Variants in LARGE1 observed in about 807,000 individuals in gnomAD.
The protein encoded by LARGE1 is LARGE xylosyl- and glucuronyltransferase 1.
LARGE1 carries 43 observed loss-of-function variants against 87.6 expected under a neutral mutation model. The observed-to-expected ratio is 0.49, with a 90% CI of 0.38 to 0.63. The LOEUF (loss-of-function observed/expected upper bound fraction) is 0.63. Among genes scored for constraint, LARGE1 ranks in the 30% least tolerant of loss-of-function variants. LARGE1 has a pLI of 0.00. For synonymous variants in LARGE1, 434 were observed against 394.6 expected (o/e 1.10, Z -1.18); for missense variants, 802 against 1,000.2 (o/e 0.80, Z 2.67).
intron 12 of LARGE1, among the ~76,000 whole-genome samples, chr22:33,303,808 A>AGG (rs35955838): frequency 0.15 from 21,340 of 145,704 alleles, 2,604 homozygotes; most frequent in African/African-American, 0.34. Flanking sequence ...TATTTTTAGT[A>AGG]GGGGGGGGGT....
intron 1 of LARGE1, among the ~76,000 whole-genome samples, chr22:33,827,664 G>A (rs1291077374): frequency 6.6e-6 from 1 of 152,154 alleles, no homozygotes; most frequent in Non-Finnish European, 1.5e-5. Context: ...TCACATCAGG[G>A]CTGTTCTTTT....
rs189569586 is a variant in LARGE1, at chr22:33,786,760, G to A, written c.-82-25202C>T. Among the ~76,000 whole-genome samples, 398 of 152,274 alleles carry A rather than the reference G, an allele frequency of 2.6e-3. 4 individuals carry two copies. Among genetic ancestry groups the A allele is most frequent in the African/African-American group, 9.0e-3 (373 of 41,582 alleles). ...AGATAGGCTGGGCGCAGTGGCTCAC[G>A]CCTGTAATCCCAGCACTTTGGGAGG... On this transcript the variant is annotated intron_variant, in intron 1 of 14. Transcript: ENST00000397394.
chr22:33,728,804 C>T (rs1454777936), intron 2 of LARGE1, among the ~76,000 whole-genome samples: 3 of 152,168 alleles, frequency 2.0e-5, no homozygotes, highest in Non-Finnish European at 4.4e-5. Flanking sequence ...ATCAAGTCTA[C>T]AAACACACGG....
intron 9 of LARGE1, among the ~76,000 whole-genome samples, chr22:33,367,145 T>C (rs1488169862): frequency 6.6e-6 from 1 of 152,138 alleles, no homozygotes; most frequent in Non-Finnish European, 1.5e-5. Flanking sequence ...ATTCTGCTAA[T>C]TGATTGAAAG....
At position 33,223,733 on chromosome 22, in the gene LARGE1, C is replaced by T. The variant is rs182425135; in HGVS notation, c.1731-56901G>A. Among the ~76,000 whole-genome samples, 6 of 152,300 alleles carry T rather than the reference C, an allele frequency of 3.9e-5. No homozygotes were observed. The East Asian group carries it at 7.7e-4, about 20-fold the overall frequency. On this transcript the variant is annotated intron_variant, in intron 11 of 11. Transcript: ENST00000608642. ...ATGACTCGGTTTAGACTCAAGGAAC[C>T]GTACTTGTTATACACTTATCTAAAA...
chr22:33,808,921 T>C (rs2086401640), intron 1 of LARGE1, among the ~76,000 whole-genome samples: 1 of 152,118 alleles, frequency 6.6e-6, no homozygotes, highest in South Asian at 2.1e-4. Flanking sequence ...CTTCTCTCCT[T>C]ATTCAGAAAC....
intron 2 of LARGE1, among the ~76,000 whole-genome samples, chr22:33,686,553 A>G (rs1270294676): frequency 1.4e-5 from 1 of 69,478 alleles, no homozygotes; most frequent in African/African-American, 6.6e-5. Context: ...AAAAAAAAAA[A>G]AAAAAAAAAA....
chr22:33,410,393 A>C (rs1331712554), intron 7 of LARGE1, among the ~76,000 whole-genome samples: 2 of 151,750 alleles, frequency 1.3e-5, no homozygotes, highest in Non-Finnish European at 2.9e-5. Context: ...ATGCCTAGGG[A>C]GAGATATGAT....
the LARGE1 span, among the ~76,000 whole-genome samples, chr22:33,152,180 G>A: frequency 6.6e-6 from 1 of 152,234 alleles, no homozygotes; most frequent in Non-Finnish European, 1.5e-5. Flanking sequence ...CCCTTTCAAT[G>A]CCAATCCTTG....
chr22:33,537,213 T>C (rs2077067901), intron 6 of LARGE1, among the ~76,000 whole-genome samples: 1 of 152,262 alleles, frequency 6.6e-6, no homozygotes, highest in South Asian at 2.1e-4. Context: ...CTGACAGTTC[T>C]GGAGGTCAGA....
chr22:33,631,147 C>T (rs898744964), intron 3 of LARGE1, among the ~76,000 whole-genome samples: 3 of 118,582 alleles, frequency 2.5e-5, no homozygotes, highest in Admixed American at 7.8e-5. Flanking sequence ...GCCACTGCGC[C>T]CAGCCAACTG....
At chr22:33,503,124 G>A (rs1041122422) in intron 6 of LARGE1, among the ~76,000 whole-genome samples, 3 of 152,170 alleles carry the variant, frequency 2.0e-5, no homozygotes, top group African/African-American at 7.2e-5. Flanking sequence ...TAGAATAAAA[G>A]GGATGTGGGA....
At chr22:33,183,636 A>ACACGCACG (rs1555880697) in intron 11 of LARGE1, among the ~76,000 whole-genome samples, 7,044 of 150,210 alleles carry the variant, frequency 0.047, 207 homozygotes, top group Non-Finnish European at 0.072. Flanking sequence ...ACACACACAC[A>ACACGCACG]CACACACACA....
At chr22:33,253,968 CTG>C (rs1203183215) in intron 11 of LARGE1, among the ~76,000 whole-genome samples, 1 of 150,120 alleles carries the variant, frequency 6.7e-6, no homozygotes, top group East Asian at 2.0e-4. Context: ...ATGTAAAAGA[CTG>C]CACTTCCCAG....
In LARGE1 at chr22:33,885,958, A is replaced by G. The variant is rs757229619; in HGVS notation, c.-83+34037T>C. Among the ~76,000 whole-genome samples the G allele has an allele frequency of 4.6e-5, 7 of 152,086 alleles. No homozygotes were observed. In the South Asian group the frequency reaches 1.5e-3, roughly 32 times the overall value. The stretch of plus-strand genomic sequence containing the variant: ...GGTATGAGAATTGCTTGAACCTGGG[A>G]GGCAGAGATTGCAGTGAGCCGAGAT... On this transcript the variant is annotated intron_variant, in intron 1 of 14. Transcript: ENST00000397394.
the LARGE1 span, among the ~76,000 whole-genome samples, chr22:33,126,242 C>T: frequency 1.3e-5 from 2 of 152,094 alleles, no homozygotes; most frequent in African/African-American, 2.4e-5. Context: ...GAAAATCTTT[C>T]GAACAGAGCA....
intron 3 of LARGE1, among the ~76,000 whole-genome samples, chr22:33,647,461 G>A (rs2080654453): frequency 6.6e-6 from 1 of 152,198 alleles, no homozygotes; most frequent in African/African-American, 2.4e-5. Context: ...GCTGGAATGT[G>A]GACAACATAG....
chr22:33,088,101 C>T, the LARGE1 span, among the ~76,000 whole-genome samples: 1 of 151,886 alleles, frequency 6.6e-6, no homozygotes. Context: ...TGATATATAC[C>T]CCAACTTTAC....
chr22:33,086,549 C>CTTTTT, the LARGE1 span, among the ~76,000 whole-genome samples: 2 of 108,436 alleles, frequency 1.8e-5, no homozygotes, highest in Non-Finnish European at 1.9e-5. Flanking sequence ...AGTTCTTCTA[C>CTTTTT]TTTTTTTTTT....
Sources: gnomAD v4.1 joint callset for allele counts (sites outside exome capture counted in the v4.1 genomes callset) on GRCh38, gnomAD v4.1.1 for gene constraint, MANE v1.5 for transcripts, NCBI Gene and HGNC (gene_info 2026-07-23, HGNC 2026-07-21) for gene names.